SH3BP4: variants seen among roughly 807,000 people sequenced by gnomAD.
SH3BP4 encodes the protein SH3 domain binding protein 4.
Under a neutral mutation model 65.5 loss-of-function variants are expected in SH3BP4, and 33 were observed. The observed-to-expected ratio is 0.50, with a 90% confidence interval of 0.38 to 0.67. SH3BP4 has a LOEUF of 0.67. Among genes scored for constraint, SH3BP4 ranks in the 30% least tolerant of loss-of-function variants. The pLI, the probability that SH3BP4 is intolerant of heterozygous loss-of-function variation, is 0.00. For missense variants in SH3BP4, 1,134 were observed against 1,261.4 expected, an observed-to-expected ratio of 0.90 and a Z score of 1.53; for synonymous variants, 552 against 545.5, an observed-to-expected ratio of 1.01 and a Z score of -0.17.
At position 235,041,776 on chromosome 2, in the gene SH3BP4, G is replaced by A; in HGVS notation, c.1007G>A (p.Ser336Asn). The A allele has an allele frequency of 6.3e-7, 1 of 1,597,728 alleles. No homozygotes were observed. Among genetic ancestry groups the A allele is most frequent in the Non-Finnish European group, 8.5e-7 (1 of 1,170,446 alleles). The change falls in exon 4 of 6, where the codon AGC (serine) becomes AAC (asparagine). Residue 336 changes from serine (S) to asparagine (N), a missense_variant. Coordinates refer to ENST00000392011, the MANE Select transcript of SH3BP4 (RefSeq NM_014521.3). The surrounding 1 kb of genome is among the most constrained non-coding windows in gnomAD (Gnocchi z 6.0). Reference sequence around the variant, plus strand: ...GGTGCTGTCCAGCTTCCTGACACCAGCATCAGCATCCACGTGCCCGAGGGC... The same window carrying A: ...GGTGCTGTCCAGCTTCCTGACACCAACATCAGCATCCACGTGCCCGAGGGC... ...SGGAVQLPDT[S>N]ISIHVPEGHV... is the part of the protein sequence containing the mutation.
At position 235,035,049 on chromosome 2, in the gene SH3BP4, G is replaced by T. The variant is rs200473395; in HGVS notation, c.47G>T (p.Arg16Leu). 6.2e-7 allele frequency: 1 copy of T among 1,614,002 alleles called. No individual in the cohort carries two copies. The highest frequency in any genetic ancestry group is 1.3e-5 in the African/African-American group (1 of 74,918). Residue 16 changes from arginine to leucine, a missense_variant, in exon 3 of 6, where the codon CGC (arginine) becomes CTC (leucine). Physicochemically the swap from Arg to Leu is moderately radical, Grantham distance 102. Transcript: ENST00000392011. This position sits in a 1 kb window ranked among gnomAD's most constrained non-coding sequence, Gnocchi z 5.0. ...GCGGCCAACTCCAATGGCCTCCCTCGCTGCAAGTCAGAGGGGACCCTGATT... is the reference window on the plus strand; with the variant it reads ...GCGGCCAACTCCAATGGCCTCCCTCTCTGCAAGTCAGAGGGGACCCTGATT... ...IRAANSNGLPRCKSEGTLIDL... is the reference protein window; with the variant it reads ...IRAANSNGLPLCKSEGTLIDL...
intron 2 of SH3BP4, among the ~76,000 whole-genome samples, chr2:235,031,212 A>G (rs1695192647): frequency 6.6e-6 from 1 of 152,084 alleles, no homozygotes; most frequent in South Asian, 2.1e-4. Context: ...CAGAGTCCAC[A>G]GTTGTTGACT....
rs889796539 is a variant in SH3BP4 at position 234,997,596 on chromosome 2, C to T, written c.-133+2220C>T. On this transcript the variant is annotated intron_variant, in intron 2 of 5. Coordinates refer to ENST00000392011, the MANE Select transcript of SH3BP4 (RefSeq NM_014521.3). This position sits in a 1 kb window ranked among gnomAD's most constrained non-coding sequence, Gnocchi z 4.2. Reference sequence around the variant, plus strand: ...CCTCCGGGGAGTGTCAGCTAGGGGACGGAGCCGGTGCGGAGATCGAGGCCC... The same window carrying T: ...CCTCCGGGGAGTGTCAGCTAGGGGATGGAGCCGGTGCGGAGATCGAGGCCC... Among the ~76,000 whole-genome samples the T allele has an allele frequency of 9.2e-5, 14 of 152,094 alleles. No individual in the cohort carries two copies. Among genetic ancestry groups the T allele is most frequent in the Admixed American group, 9.2e-4 (14 of 15,266 alleles).
intron 2 of SH3BP4, among the ~76,000 whole-genome samples, chr2:234,996,962 C>T (rs1693941818): frequency 1.4e-5 from 2 of 142,856 alleles, no homozygotes; most frequent in East Asian, 2.4e-4. Context: ...GCCAGAGTTA[C>T]TGGGGCAGCA....
intron 4 of SH3BP4, among the ~76,000 whole-genome samples, chr2:235,048,615 T>C (rs1248252387): frequency 1.3e-5 from 2 of 152,116 alleles, no homozygotes; most frequent in Non-Finnish European, 2.9e-5. Flanking sequence ...GCTGGTATTA[T>C]AGGGGTGAGC....
chr2:234,976,940 T>C lies in SH3BP4; in HGVS notation c.-206-18363T>C, dbSNP rs1413443644. On this transcript the variant is annotated intron_variant, in intron 1 of 5. Coordinates refer to ENST00000392011, the MANE Select transcript of SH3BP4 (RefSeq NM_014521.3). This position sits in a 1 kb window ranked among gnomAD's most constrained non-coding sequence, Gnocchi z 4.7. ...AAAAAAAGGACCTCAGGGACAAACA[T>C]AGGAGACCCGGATGAAGGACAGGCT... is the stretch of plus-strand genomic sequence containing the variant. Among the ~76,000 whole-genome samples the C allele has an allele frequency of 1.3e-5, 2 of 152,050 alleles. No homozygotes were observed. Among genetic ancestry groups the C allele is most frequent in the African/African-American group, 4.8e-5 (2 of 41,398 alleles).
chr2:235,037,638 G>A (rs952638503), intron 3 of SH3BP4, among the ~76,000 whole-genome samples: 1 of 152,202 alleles, frequency 6.6e-6, no homozygotes, highest in Admixed American at 6.5e-5. Flanking sequence ...ATTCTAGCAA[G>A]ATTTTGATGG....
chr2:235,017,048 T>TG (rs1025711126), intron 2 of SH3BP4, among the ~76,000 whole-genome samples: 6 of 146,806 alleles, frequency 4.1e-5, no homozygotes, highest in Non-Finnish European at 9.0e-5. Context: ...TGCCTTTCTT[T>TG]TTTTTTTTTT....
Position 234,967,340 on chromosome 2 carries a change from C to T in SH3BP4, c.-207+15170C>T, listed in dbSNP as rs556036232. On this transcript the variant is annotated intron_variant, in intron 1 of 5. Transcript: ENST00000392011. The surrounding 1 kb of genome is among the most constrained non-coding windows in gnomAD (Gnocchi z 4.6). Reference sequence around the variant, plus strand: ...GTCGCAGATGACGTGTGAGGGTGGGCGGGAGGTTGCCAGGTGGGTAATCAG... The same window carrying T: ...GTCGCAGATGACGTGTGAGGGTGGGTGGGAGGTTGCCAGGTGGGTAATCAG... Among the ~76,000 whole-genome samples the T allele has an allele frequency of 1.1e-4, 17 of 152,132 alleles. No individual in the cohort carries two copies. The highest frequency in any genetic ancestry group is 3.6e-4 in the African/African-American group (15 of 41,504).
At chr2:234,960,793 C>T (rs1226057174) in intron 1 of SH3BP4, among the ~76,000 whole-genome samples, 1 of 152,170 alleles carries the variant, frequency 6.6e-6, no homozygotes, top group African/African-American at 2.4e-5. Flanking sequence ...CGAAATCAAT[C>T]AAATTTGAAA....
rs1264368736 is a variant in SH3BP4, at chr2:235,026,975, G to A, written c.-132-7896G>A. Among the ~76,000 whole-genome samples the A allele has an allele frequency of 1.3e-5, 2 of 152,226 alleles. No homozygotes were observed. The highest frequency in any genetic ancestry group is 6.5e-5 in the Admixed American group (1 of 15,292). On this transcript the variant is annotated intron_variant, in intron 2 of 5. Transcript: ENST00000392011. The surrounding 1 kb of genome is among the most constrained non-coding windows in gnomAD (Gnocchi z 4.6). Reference sequence around the variant, plus strand: ...GGGTGCATTAGGCGAGATCAGGCACGTTCAGGGTGATATGACGATAGACAG... The same window carrying A: ...GGGTGCATTAGGCGAGATCAGGCACATTCAGGGTGATATGACGATAGACAG...
At chr2:235,010,571 A>G (rs375107998) in intron 2 of SH3BP4, among the ~76,000 whole-genome samples, 1 of 152,204 alleles carries the variant, frequency 6.6e-6, no homozygotes, top group East Asian at 1.9e-4. Context: ...CCAGCAGCCA[A>G]TGAATGTTGC....
Position 235,035,062 on chromosome 2 carries a change from G to A in SH3BP4, c.60G>A (p.Glu20=). 1.2e-6 allele frequency: 2 copies of A among 1,614,176 alleles called. No individual in the cohort carries two copies. The highest frequency in any genetic ancestry group is 1.7e-6 in the Non-Finnish European group (2 of 1,180,030). Residue 20 remains glutamate, a synonymous_variant, in exon 3 of 6, where the codon GAG becomes GAA. Transcript: ENST00000392011. This position sits in a 1 kb window ranked among gnomAD's most constrained non-coding sequence, Gnocchi z 5.0. ...ATGGCCTCCCTCGCTGCAAGTCAGA[G>A]GGGACCCTGATTGACCTGAGCGAAG... ...NSNGLPRCKS[E]GTLIDLSEGF... is the part of the protein sequence containing the mutation.
At position 235,033,141 on chromosome 2, in the gene SH3BP4, C is replaced by T. The variant is rs1423177856; in HGVS notation, c.-132-1730C>T. On this transcript the variant is annotated intron_variant, in intron 2 of 5. Coordinates refer to ENST00000392011, the MANE Select transcript of SH3BP4 (RefSeq NM_014521.3). The surrounding 1 kb of genome is among the most constrained non-coding windows in gnomAD (Gnocchi z 5.7). Reference sequence around the variant, plus strand: ...CCAGAGAGGTGGCCACCATGCCCTCCTCTCCTGCCGCCTGCTGCATTCAAG... The same window carrying T: ...CCAGAGAGGTGGCCACCATGCCCTCTTCTCCTGCCGCCTGCTGCATTCAAG... 2.6e-5 allele frequency among the ~76,000 whole-genome samples: 4 copies of T among 152,146 alleles called. No homozygotes were observed. Among genetic ancestry groups the T allele is most frequent in the Non-Finnish European group, 5.9e-5 (4 of 67,998 alleles).
chr2:235,054,068 C>T lies in SH3BP4; in HGVS notation c.*252C>T. 1 of 427,838 alleles carries T rather than the reference C, an allele frequency of 2.3e-6. No homozygotes were observed. The highest frequency in any genetic ancestry group is 3.7e-5 in the Admixed American group (1 of 26,728). The allele number at this position is 427,838 out of a possible 1,614,324, so 26.5% of individuals were successfully genotyped here. A position where few individuals can be genotyped will look rare whatever the true frequency, so the allele number is the denominator to read the frequency against. ...AAGTATAAATTTAAATTTAAAATCA[C>T]TTTTTTAACGAATGGGGGGAAGGGA... is the stretch of plus-strand genomic sequence containing the variant. On this transcript the variant is annotated 3_prime_UTR_variant, in exon 6 of 6. Transcript: ENST00000392011.
chr2:235,044,653 A>G (rs1574848243), intron 4 of SH3BP4, among the ~76,000 whole-genome samples: 2 of 151,724 alleles, frequency 1.3e-5, no homozygotes, highest in African/African-American at 2.4e-5. Context: ...CCTTTCTGCC[A>G]CCTCCCCGGC....
At chr2:235,015,761 T>C (rs1257312939) in intron 2 of SH3BP4, among the ~76,000 whole-genome samples, 4 of 152,106 alleles carry the variant, frequency 2.6e-5, no homozygotes, top group Admixed American at 1.3e-4. Flanking sequence ...GTGTGAACCA[T>C]CTGGGAGGCT....
Position 235,034,115 on chromosome 2 carries a change from C to G in SH3BP4, c.-132-756C>G, listed in dbSNP as rs565374085. ...CCTGCTCAGAGCCAGTCACCTCATT[C>G]ATATCCAGAACCCCCCACATGCTTC... On this transcript the variant is annotated intron_variant, in intron 2 of 5. Transcript: ENST00000392011. This position sits in a 1 kb window ranked among gnomAD's most constrained non-coding sequence, Gnocchi z 6.2. Among the ~76,000 whole-genome samples the G allele has an allele frequency of 7.2e-5, 11 of 152,162 alleles. 1 individual carries two copies. In the South Asian group the frequency reaches 2.3e-3, roughly 32 times the overall value.
At position 235,052,564 on chromosome 2, in the gene SH3BP4, C is replaced by T. The variant is rs1418173028; in HGVS notation, c.2481C>T (p.Ala827=). 1 of 1,546,958 alleles carries T rather than the reference C, an allele frequency of 6.5e-7. No individual in the cohort carries two copies. The highest frequency in any genetic ancestry group is 8.7e-7 in the Non-Finnish European group (1 of 1,144,308). The change falls in exon 5 of 6, where the codon GCC becomes GCT. Residue 827 remains alanine, a splice_region_variant and synonymous_variant. Coordinates refer to ENST00000392011, the MANE Select transcript of SH3BP4 (RefSeq NM_014521.3). The surrounding 1 kb of genome is among the most constrained non-coding windows in gnomAD (Gnocchi z 5.0). ...GCTGTGTGCCTCTTCCTCTGCAGGC[C>T]CTACTGAAGATGGACTGCCAGGGCC... The part of the protein sequence containing the change: ...RKSFQKELVM[A]LLKMDCQGLV...
Sources: gnomAD v4.1 joint callset for allele counts (sites outside exome capture counted in the v4.1 genomes callset) on GRCh38, gnomAD v4.1.1 for gene constraint, Gnocchi (gnomAD v3.1) non-coding constraint, MANE v1.5 for transcripts, NCBI Gene and HGNC (gene_info 2026-07-23, HGNC 2026-07-21) for gene names.